Variants in KCNH1 observed in about 807,000 individuals in gnomAD.
The protein encoded by KCNH1 is potassium voltage-gated channel subfamily H member 1.
In KCNH1, 27 loss-of-function variants were observed where a neutral mutation model predicts 69.2. The ratio of observed to expected loss-of-function variants is 0.39; its 90% CI spans 0.29 to 0.54. KCNH1 has a LOEUF of 0.54. Ranked by LOEUF, KCNH1 falls within the 20% of genes least tolerant of loss-of-function variation. The probability of loss-of-function intolerance (pLI) is 0.68; values close to 1 mark genes in which losing one functional copy is unlikely to be tolerated. For synonymous variants in KCNH1, 456 were observed against 487.7 expected (o/e 0.93, Z 0.86); for missense variants, 798 against 1,261.6 (o/e 0.63, Z 5.57).
At chr1:210,900,630 T>C (rs1394401830) in intron 7 of KCNH1, among the ~76,000 whole-genome samples, 2 of 152,144 alleles carry the variant, frequency 1.3e-5, no homozygotes, top group African/African-American at 4.8e-5. Flanking sequence ...TTAGCCACCT[T>C]ACTAATTCTG....
At chr1:211,098,321 G>GAAA (rs61005709) in intron 3 of KCNH1, among the ~76,000 whole-genome samples, 1 of 128,324 alleles carries the variant, frequency 7.8e-6, no homozygotes, top group Non-Finnish European at 1.6e-5. Context: ...ACCCTGTCTT[G>GAAA]AAAAAAAAAA....
chr1:210,937,264 G>GC (rs1484173961), intron 6 of KCNH1, among the ~76,000 whole-genome samples: 7 of 152,154 alleles, frequency 4.6e-5, no homozygotes, highest in Admixed American at 3.3e-4. Context: ...TGTACCTTCA[G>GC]CACTTGACAC....
chr1:211,119,339 G>A (rs1435992483), intron 1 of KCNH1, among the ~76,000 whole-genome samples: 3 of 152,104 alleles, frequency 2.0e-5, no homozygotes, highest in East Asian at 1.9e-4. Flanking sequence ...CAGCCTGGGT[G>A]ACAGAGGGAC....
At chr1:210,839,738 TAA>T (rs2102451449) in intron 7 of KCNH1, among the ~76,000 whole-genome samples, 1 of 152,340 alleles carries the variant, frequency 6.6e-6, no homozygotes, top group South Asian at 2.1e-4. Flanking sequence ...CTCTAGTTTT[TAA>T]AGTGATACTC....
chr1:210,995,711 G>A (rs1039980742), intron 6 of KCNH1, among the ~76,000 whole-genome samples: 7 of 152,160 alleles, frequency 4.6e-5, no homozygotes, highest in South Asian at 4.1e-4. Context: ...ACCCTAAGTA[G>A]TAAACATCAA....
chr1:210,986,297 T>A (rs1688832709), intron 6 of KCNH1, among the ~76,000 whole-genome samples: 1 of 152,234 alleles, frequency 6.6e-6, no homozygotes, highest in Non-Finnish European at 1.5e-5. Flanking sequence ...AAGGTTAATA[T>A]TGTTATGTGT....
At chr1:210,885,060 G>A (rs186766663) in intron 7 of KCNH1, among the ~76,000 whole-genome samples, 33 of 152,326 alleles carry the variant, frequency 2.2e-4, no homozygotes, top group African/African-American at 7.9e-4. Context: ...CACTACCAGT[G>A]CACACAGATA....
At chr1:210,705,830 C>CCAGT (rs1196997433) in intron 10 of KCNH1, among the ~76,000 whole-genome samples, 1 of 152,154 alleles carries the variant, frequency 6.6e-6, no homozygotes, top group Non-Finnish European at 1.5e-5. Flanking sequence ...GTGTGTCTCC[C>CCAGT]CAGTATCTGG....
At chr1:210,816,267 C>T (rs1008667475) in intron 7 of KCNH1, among the ~76,000 whole-genome samples, 2 of 152,156 alleles carry the variant, frequency 1.3e-5, no homozygotes, top group African/African-American at 4.8e-5. Flanking sequence ...CATTCAAACT[C>T]GGCCGTGTTG....
chr1:210,740,619 G>A (rs1444008134), intron 10 of KCNH1, among the ~76,000 whole-genome samples: 1 of 151,000 alleles, frequency 6.6e-6, no homozygotes, highest in Non-Finnish European at 1.5e-5. Flanking sequence ...TACCTGTTGG[G>A]ATTTAAAATA....
chr1:211,029,334 T>TA (rs58241322), intron 5 of KCNH1, among the ~76,000 whole-genome samples: 592 of 23,094 alleles, frequency 0.026, 53 homozygotes, highest in Middle Eastern at 0.12. Context: ...TCCTGTCACT[T>TA]AAAAAAAAAA....
chr1:210,878,200 G>T (rs1355678660), intron 7 of KCNH1, among the ~76,000 whole-genome samples: 3 of 151,980 alleles, frequency 2.0e-5, no homozygotes, highest in Non-Finnish European at 4.4e-5. Flanking sequence ...ATTACTGTTA[G>T]AGATTTCAAT....
Position 211,087,331 on chromosome 1 carries a change from G to T in KCNH1, c.439+3231C>A, listed in dbSNP as rs74712086. Among the ~76,000 whole-genome samples the T allele has an allele frequency of 2.0e-3, 302 of 152,120 alleles. 12 individuals carry two copies. The East Asian group carries it at 0.051, about 26-fold the overall frequency. On this transcript the variant is annotated intron_variant, in intron 4 of 10. Transcript: ENST00000271751. The stretch of plus-strand genomic sequence containing the variant: ...TTGCTCCTTTAATATGAGATTAGTT[G>T]GTGGGATAATAGAGAAAACAAGAGG...
chr1:210,893,012 G>A lies in KCNH1; in HGVS notation c.1462+26628C>T, dbSNP rs189662563. Among the ~76,000 whole-genome samples, 38 of 152,122 alleles carry A rather than the reference G, an allele frequency of 2.5e-4. 1 individual carries two copies. Among genetic ancestry groups the A allele is most frequent in the Non-Finnish European group, 4.1e-4 (28 of 68,010 alleles). ...GATACTGATTCCATTCTAAGGGGTC[G>A]GAGGAAAAGTGGTAGTCATCTGAAC... On this transcript the variant is annotated intron_variant, in intron 7 of 10. Transcript: ENST00000271751.
At position 210,862,239 on chromosome 1, in the gene KCNH1, G is replaced by A. The variant is rs145226048; in HGVS notation, c.1462+57401C>T. ...GCTCCATGGCCTCTTGCAGGGCTGG[G>A]TCCATGGTGCCCCGCAGGGCCTCGA... On this transcript the variant is annotated intron_variant, in intron 7 of 10. Coordinates refer to ENST00000271751, the MANE Select transcript of KCNH1 (RefSeq NM_172362.3). 3 of 1,122,912 alleles carry A rather than the reference G, an allele frequency of 2.7e-6. No individual in the cohort carries two copies. The East Asian group carries it at 7.2e-5, about 27-fold the overall frequency. 69.6% of individuals were successfully genotyped at this position (1,122,912 alleles called of 1,614,324 possible).
At chr1:210,940,297 C>T (rs1687854564) in intron 6 of KCNH1, among the ~76,000 whole-genome samples, 1 of 152,174 alleles carries the variant, frequency 6.6e-6, no homozygotes, top group Non-Finnish European at 1.5e-5. Flanking sequence ...CTACAATCAG[C>T]CACAGAGAAA....
chr1:211,111,591 C>T (rs1691465496), intron 1 of KCNH1, among the ~76,000 whole-genome samples: 1 of 149,298 alleles, frequency 6.7e-6, no homozygotes, highest in Non-Finnish European at 1.5e-5. Context: ...TGCCCAGCCA[C>T]CTCACTGTCT....
At chr1:210,993,224 A>C (rs903341041) in intron 6 of KCNH1, among the ~76,000 whole-genome samples, 2 of 152,260 alleles carry the variant, frequency 1.3e-5, no homozygotes, top group Admixed American at 1.3e-4. Flanking sequence ...TTAAATTTTA[A>C]GCAGCCTGGT....
chr1:211,004,359 A>G (rs1418669995), intron 6 of KCNH1, among the ~76,000 whole-genome samples: 1 of 152,180 alleles, frequency 6.6e-6, no homozygotes, highest in Non-Finnish European at 1.5e-5. Context: ...ACAACAATGA[A>G]TATACATATA....
Sources: gnomAD v4.1 joint callset for allele counts (sites outside exome capture counted in the v4.1 genomes callset) on GRCh38, gnomAD v4.1.1 for gene constraint, MANE v1.5 for transcripts, NCBI Gene and HGNC (gene_info 2026-07-23, HGNC 2026-07-21) for gene names.